Variants in PLEKHG1 observed in about 807,000 individuals in gnomAD.
PLEKHG1 encodes pleckstrin homology and RhoGEF domain containing G1, also known as pleckstrin homology domain-containing family G member 1.
PLEKHG1 carries 44 observed loss-of-function variants against 100.8 expected under a neutral mutation model. The ratio of observed to expected loss-of-function variants is 0.44; its 90% CI spans 0.34 to 0.56. PLEKHG1 has a LOEUF of 0.56. PLEKHG1 is among the 20% of genes least tolerant of loss of function. PLEKHG1 has a pLI of 0.01. For synonymous variants in PLEKHG1, 640 were observed against 662.5 expected, an observed-to-expected ratio of 0.97 and a Z score of 0.52; for missense variants, 1,545 against 1,720.9, an observed-to-expected ratio of 0.90 and a Z score of 1.81.
Position 150,634,832 on chromosome 6 carries a change from C to G in PLEKHG1, c.-203-3248C>G, listed in dbSNP as rs532266265. Among the ~76,000 whole-genome samples, 14 of 152,226 alleles carry G rather than the reference C, an allele frequency of 9.2e-5. No homozygotes were observed. The South Asian group carries it at 2.9e-3, about 32-fold the overall frequency. On this transcript the variant is annotated intron_variant, in intron 1 of 3. Coordinates refer to the PLEKHG1 transcript ENST00000367326. ...CATGCTTGTGGATTCATACAGACAC[C>G]AGCATCTTTGCCTAAAAGTTACAAG...
intron 1 of PLEKHG1, among the ~76,000 whole-genome samples, chr6:150,729,233 A>G (rs1026557219): frequency 4.6e-5 from 7 of 152,072 alleles, no homozygotes; most frequent in African/African-American, 1.2e-4. Context: ...AATTTTTTGT[A>G]TTTTTTGTAT....
chr6:150,754,391 C>G (rs1274953569), intron 2 of PLEKHG1, among the ~76,000 whole-genome samples: 1 of 151,924 alleles, frequency 6.6e-6, no homozygotes, highest in Non-Finnish European at 1.5e-5. Context: ...AGGATTTTAC[C>G]CAGGAGGCAT....
At chr6:150,670,005 C>G (rs937824163) in intron 3 of PLEKHG1, among the ~76,000 whole-genome samples, 3 of 152,164 alleles carry the variant, frequency 2.0e-5, no homozygotes, top group East Asian at 1.9e-4. Context: ...ATTTCCTTTT[C>G]AAACCATTCC....
intron 3 of PLEKHG1, among the ~76,000 whole-genome samples, chr6:150,771,342 G>A (rs1784704679): frequency 2.0e-5 from 3 of 151,858 alleles, no homozygotes; most frequent in African/African-American, 4.8e-5. Context: ...ACTTGAACCC[G>A]GGAGGTGGAG....
At chr6:150,792,130 A>G (rs1786015762) in intron 4 of PLEKHG1, among the ~76,000 whole-genome samples, 1 of 152,122 alleles carries the variant, frequency 6.6e-6, no homozygotes, top group Non-Finnish European at 1.5e-5. Flanking sequence ...CTAAAGTTGT[A>G]TTTTATCCTT....
intron 3 of PLEKHG1, among the ~76,000 whole-genome samples, chr6:150,706,682 G>A (rs1781021428): frequency 6.6e-6 from 1 of 151,144 alleles, no homozygotes; most frequent in South Asian, 2.1e-4. Context: ...TGGTTTGGCA[G>A]AATTAATTGC....
intron 14 of PLEKHG1, among the ~76,000 whole-genome samples, chr6:150,828,971 A>C: frequency 6.6e-6 from 1 of 152,216 alleles, no homozygotes; most frequent in East Asian, 1.9e-4. Flanking sequence ...ATAAATGGCT[A>C]ATTGAATTGC....
At chr6:150,698,709 G>A (rs1780649423) in intron 3 of PLEKHG1, among the ~76,000 whole-genome samples, 2 of 152,174 alleles carry the variant, frequency 1.3e-5, no homozygotes, top group African/African-American at 4.8e-5. Context: ...TCCAACAGTT[G>A]TGCAGGTTGT....
intron 4 of PLEKHG1, among the ~76,000 whole-genome samples, chr6:150,794,426 G>C (rs982434095): frequency 1.3e-5 from 2 of 152,164 alleles, no homozygotes; most frequent in African/African-American, 4.8e-5. Context: ...AACACTTTGA[G>C]AGGCCAAGGC....
chr6:150,752,541 G>T (rs1180488921), intron 2 of PLEKHG1, among the ~76,000 whole-genome samples: 1 of 152,118 alleles, frequency 6.6e-6, no homozygotes, highest in Non-Finnish European at 1.5e-5. Context: ...AACCTTACAG[G>T]ATTTGTCCTT....
In PLEKHG1 at chr6:150,823,681, G is replaced by A; in HGVS notation, c.1470+5G>A. 2 of 1,609,482 alleles carry A rather than the reference G, an allele frequency of 1.2e-6. No individual in the cohort carries two copies. Among genetic ancestry groups the A allele is most frequent in the Non-Finnish European group, 1.7e-6 (2 of 1,176,194 alleles). On this transcript the variant is annotated splice_donor_5th_base_variant and intron_variant, in intron 14 of 15. Transcript: ENST00000358517. Reference sequence around the variant, plus strand: ...ACAGCACAAGACATCCAAAAGGTAAGCTCTATCTCATTTCTTACTTGGAAA... The same window carrying A: ...ACAGCACAAGACATCCAAAAGGTAAACTCTATCTCATTTCTTACTTGGAAA...
chr6:150,686,727 A>G (rs532568206), intron 3 of PLEKHG1: 2 of 151,896 alleles, frequency 1.3e-5, no homozygotes, highest in Non-Finnish European at 2.9e-5. Flanking sequence ...AAGGATGAGA[A>G]TGTGGGCGGG....
chr6:150,841,976 T>C (rs1777548965), exon 16 of PLEKHG1: 1 of 152,200 alleles, frequency 6.6e-6, no homozygotes, highest in Admixed American at 6.5e-5. Context: ...GAGCCTTTTT[T>C]TCGTTGTTTT....
intron 10 of PLEKHG1, among the ~76,000 whole-genome samples, chr6:150,814,673 A>G (rs1311577615): frequency 3.3e-5 from 5 of 152,194 alleles, no homozygotes; most frequent in Admixed American, 6.5e-5. Flanking sequence ...GAGCATCCTA[A>G]CCACATTATT....
chr6:150,751,301 G>A lies in PLEKHG1; in HGVS notation c.411+17209G>A, dbSNP rs576978639. On this transcript the variant is annotated intron_variant, in intron 2 of 15. Transcript: ENST00000358517. ...TTTTTTTTTTTCAGAATTTTGATCT[G>A]AGCTGAGTCAAATTGGAGTTAATTT... Among the ~76,000 whole-genome samples, 6 of 150,912 alleles carry A rather than the reference G, an allele frequency of 4.0e-5. No homozygotes were observed. The South Asian group carries it at 1.3e-3, about 31-fold the overall frequency.
chr6:150,793,687 A>G (rs1360075814), intron 4 of PLEKHG1, among the ~76,000 whole-genome samples: 1 of 152,214 alleles, frequency 6.6e-6, no homozygotes, highest in African/African-American at 2.4e-5. Flanking sequence ...CTTCCATTAG[A>G]GGAAGCACAA....
chr6:150,602,930 A>T (rs964366343), intron 1 of PLEKHG1, among the ~76,000 whole-genome samples: 5 of 151,156 alleles, frequency 3.3e-5, no homozygotes, highest in Admixed American at 6.6e-5. Flanking sequence ...AAATACAAAA[A>T]ATTAGCCGGG....
intron 2 of PLEKHG1, among the ~76,000 whole-genome samples, chr6:150,746,213 T>C (rs1164528942): frequency 2.6e-5 from 4 of 152,246 alleles, no homozygotes; most frequent in Non-Finnish European, 5.9e-5. Context: ...ATTCACCCAG[T>C]GTTTCTCATG....
rs1441624721 is a variant in PLEKHG1 at position 150,677,382 on chromosome 6, G to T, written c.-99+26596G>T. ...CACTGGATAGGCACCATGAGTCTTT[G>T]CACATGGCACTCCCTCTCCTTAAAA... is the stretch of plus-strand genomic sequence containing the variant. On this transcript the variant is annotated intron_variant, in intron 3 of 3. Coordinates refer to the PLEKHG1 transcript ENST00000367326. Among the ~76,000 whole-genome samples, 7 of 151,960 alleles carry T rather than the reference G, an allele frequency of 4.6e-5. No homozygotes were observed. The East Asian group carries it at 1.4e-3, about 29-fold the overall frequency.
Sources: gnomAD v4.1 joint callset for allele counts (sites outside exome capture counted in the v4.1 genomes callset) on GRCh38, gnomAD v4.1.1 for gene constraint, MANE v1.5 for transcripts, NCBI Gene and HGNC (gene_info 2026-07-23, HGNC 2026-07-21) for gene names.